Variants in RASEF observed in about 807,000 individuals in gnomAD.
RASEF encodes the protein ras and EF-hand domain-containing protein.
Under a neutral mutation model 90.1 loss-of-function variants are expected in RASEF, and 68 were observed. The ratio of observed to expected loss-of-function variants is 0.75; its 90% CI spans 0.62 to 0.92. The LOEUF is 0.92. RASEF is among the 40% of genes least tolerant of loss of function. RASEF has a pLI of 0.00. For missense variants in RASEF, 949 were observed against 937.2 expected, an observed-to-expected ratio of 1.01 and a Z score of -0.16; for synonymous variants, 331 against 345.2, an observed-to-expected ratio of 0.96 and a Z score of 0.46.
the RASEF span, among the ~76,000 whole-genome samples, chr9:83,189,665 T>C: frequency 3.9e-5 from 6 of 152,230 alleles, no homozygotes; most frequent in Non-Finnish European, 7.3e-5. Flanking sequence ...CAGTCTATAA[T>C]CTTATATATT....
chr9:83,058,162 G>GT (rs1259021612), intron 1 of RASEF, among the ~76,000 whole-genome samples: 4 of 110,026 alleles, frequency 3.6e-5, no homozygotes, highest in Non-Finnish European at 7.4e-5. Context: ...CACTCCTGAT[G>GT]TATTTATGTC....
chr9:83,114,087 G>C, the RASEF span, among the ~76,000 whole-genome samples: 1 of 152,122 alleles, frequency 6.6e-6, no homozygotes, highest in African/African-American at 2.4e-5. Context: ...TTAGGGTGTT[G>C]TGGGAAGTCA....
chr9:83,149,038 C>T, the RASEF span, among the ~76,000 whole-genome samples: 1 of 152,216 alleles, frequency 6.6e-6, no homozygotes, highest in Non-Finnish European at 1.5e-5. Flanking sequence ...AGCAACCACC[C>T]CATCATCTTC....
intron 1 of RASEF, among the ~76,000 whole-genome samples, chr9:83,047,920 A>G (rs1829962094): frequency 6.6e-6 from 1 of 152,236 alleles, no homozygotes; most frequent in African/African-American, 2.4e-5. Flanking sequence ...CACTGGAAAT[A>G]CTGTCTCTTT....
chr9:83,178,735 T>TC, the RASEF span, among the ~76,000 whole-genome samples: 2 of 152,172 alleles, frequency 1.3e-5, no homozygotes, highest in Non-Finnish European at 2.9e-5. Flanking sequence ...GTTGATTACA[T>TC]CCAAGTGTCC....
chr9:83,189,834 A>G, the RASEF span, among the ~76,000 whole-genome samples: 5 of 152,338 alleles, frequency 3.3e-5, no homozygotes, highest in East Asian at 9.6e-4. Flanking sequence ...TTAAACAAAC[A>G]TCAATTCAAC....
At chr9:83,018,986 T>TTG (rs1829395436) in intron 3 of RASEF, among the ~76,000 whole-genome samples, 1 of 152,156 alleles carries the variant, frequency 6.6e-6, no homozygotes, top group Non-Finnish European at 1.5e-5. Flanking sequence ...CATTGATCCA[T>TTG]ATCTTGGCAC....
chr9:83,091,999 A>ATTTTTTTTTTTTTTT, the RASEF span, among the ~76,000 whole-genome samples: 3 of 17,240 alleles, frequency 1.7e-4, no homozygotes, highest in African/African-American at 2.4e-4. Context: ...TTTTTCTTTT[A>ATTTTTTTTTTTTTTT]TTTCTTTTTT....
Position 83,038,693 on chromosome 9 carries a change from T to C in RASEF, c.432-12772A>G, listed in dbSNP as rs114119213. ...ATATATTTTACAAATAACTTTATTT[T>C]TAAAATTTTTGACTAGAACTAGTAC... On this transcript the variant is annotated intron_variant, in intron 1 of 16. Transcript: ENST00000376447. Among the ~76,000 whole-genome samples the C allele has an allele frequency of 3.2e-3, 481 of 152,290 alleles. 2 individuals carry two copies. Among genetic ancestry groups the C allele is most frequent in the African/African-American group, 0.01 (428 of 41,560 alleles).
At chr9:83,142,797 TA>T in the RASEF span, among the ~76,000 whole-genome samples, 6 of 152,214 alleles carry the variant, frequency 3.9e-5, no homozygotes, top group Non-Finnish European at 8.8e-5. Flanking sequence ...CTTACTCATC[TA>T]AAAATAAAGG....
chr9:83,025,216 G>T (rs953703496), intron 2 of RASEF, among the ~76,000 whole-genome samples: 4 of 152,158 alleles, frequency 2.6e-5, no homozygotes, highest in South Asian at 2.1e-4. Flanking sequence ...CAGTTCAAAG[G>T]GGGAGGGCCA....
chr9:83,198,432 C>T, the RASEF span, among the ~76,000 whole-genome samples: 8 of 152,244 alleles, frequency 5.3e-5, no homozygotes, highest in South Asian at 1.5e-3. Flanking sequence ...CAGTGCCTTT[C>T]ACCTCCACTC....
the RASEF span, among the ~76,000 whole-genome samples, chr9:83,203,985 A>G: frequency 6.6e-6 from 1 of 152,216 alleles, no homozygotes; most frequent in Non-Finnish European, 1.5e-5. Flanking sequence ...TTTTGATGGC[A>G]GTGTGGAGAA....
At chr9:83,122,290 A>C in the RASEF span, among the ~76,000 whole-genome samples, 1 of 152,294 alleles carries the variant, frequency 6.6e-6, no homozygotes, top group South Asian at 2.1e-4. Flanking sequence ...TGTGGTTAAA[A>C]CCAAGCGAGC....
the RASEF span, among the ~76,000 whole-genome samples, chr9:83,187,832 C>G: frequency 6.6e-6 from 1 of 152,122 alleles, no homozygotes; most frequent in Non-Finnish European, 1.5e-5. Flanking sequence ...TTATTTCCTC[C>G]TTCCACAGCT....
the RASEF span, among the ~76,000 whole-genome samples, chr9:83,103,115 C>A: frequency 6.6e-6 from 1 of 152,166 alleles, no homozygotes; most frequent in Non-Finnish European, 1.5e-5. Flanking sequence ...AAGTCAAATA[C>A]CCAAGGCAGC....
At chr9:83,119,798 G>C in the RASEF span, among the ~76,000 whole-genome samples, 1 of 152,028 alleles carries the variant, frequency 6.6e-6, no homozygotes, top group East Asian at 1.9e-4. Flanking sequence ...ATAGTGAATG[G>C]GTCTCATGAG....
At chr9:83,096,682 C>T in the RASEF span, among the ~76,000 whole-genome samples, 1 of 151,780 alleles carries the variant, frequency 6.6e-6, no homozygotes, top group South Asian at 2.1e-4. Context: ...GCAAAACGTG[C>T]AGGTTTGTTA....
the RASEF span, among the ~76,000 whole-genome samples, chr9:83,111,366 A>C: frequency 6.6e-6 from 1 of 152,172 alleles, no homozygotes; most frequent in African/African-American, 2.4e-5. Flanking sequence ...AAATGGAAAG[A>C]TGTTCTTCAA....
Sources: gnomAD v4.1 joint callset for allele counts (sites outside exome capture counted in the v4.1 genomes callset) on GRCh38, gnomAD v4.1.1 for gene constraint, MANE v1.5 for transcripts, NCBI Gene and HGNC (gene_info 2026-07-23, HGNC 2026-07-21) for gene names.